Variants in TMPRSS11E observed in about 807,000 individuals in gnomAD.
The protein encoded by TMPRSS11E is transmembrane serine protease 11E.
A neutral mutation model predicts 48.1 loss-of-function variants in TMPRSS11E; 38 were observed. The ratio of observed to expected loss-of-function variants is 0.79; its 90% CI spans 0.61 to 1.04. The LOEUF (loss-of-function observed/expected upper bound fraction) is 1.04. Ranked by LOEUF, TMPRSS11E falls within the 50% of genes least tolerant of loss-of-function variation. The probability of loss-of-function intolerance (pLI) is 0.00; values close to 1 mark genes in which losing one functional copy is unlikely to be tolerated. For synonymous variants in TMPRSS11E, 158 were observed against 171.9 expected, an observed-to-expected ratio of 0.92 and a Z score of 0.63; for missense variants, 530 against 510.8, an observed-to-expected ratio of 1.04 and a Z score of -0.36.
chr4:68,488,392 A>T lies in TMPRSS11E; in HGVS notation c.1111-8251A>T, dbSNP rs191843704. On this transcript the variant is annotated intron_variant, in intron 9 of 9. Coordinates refer to ENST00000305363, the MANE Select transcript of TMPRSS11E (RefSeq NM_014058.4). ...TTCTTTATCTAACTGAGTTGATTTGAAGAACTGGCCTTCAAGTTCTAAAAT... is the reference window on the plus strand; with the variant it reads ...TTCTTTATCTAACTGAGTTGATTTGTAGAACTGGCCTTCAAGTTCTAAAAT... 3.7e-4 allele frequency among the ~76,000 whole-genome samples: 56 copies of T among 152,300 alleles called. No homozygotes were observed. The East Asian group carries it at 6.0e-3, about 16-fold the overall frequency.
intron 9 of TMPRSS11E, among the ~76,000 whole-genome samples, chr4:68,486,892 CT>C (rs1374336199): frequency 2.6e-5 from 4 of 152,004 alleles, no homozygotes; most frequent in Non-Finnish European, 5.9e-5. Context: ...ATTTTTTGTC[CT>C]TTTTAATTAT....
chr4:68,495,849 TTAA>T (rs1177045663), intron 9 of TMPRSS11E, among the ~76,000 whole-genome samples: 2 of 152,110 alleles, frequency 1.3e-5, no homozygotes, highest in African/African-American at 4.8e-5. Context: ...ATTACATGAA[TTAA>T]TGAGATAATA....
intron 2 of TMPRSS11E, among the ~76,000 whole-genome samples, chr4:68,462,406 G>A (rs571598677): frequency 4.4e-5 from 6 of 137,886 alleles, no homozygotes; most frequent in South Asian, 4.6e-4. Flanking sequence ...GTGAAACCCC[G>A]TGTCTACTAA....
chr4:68,466,806 T>G, intron 3 of TMPRSS11E, 54 bp downstream of exon 3: 4 of 1,607,148 alleles, frequency 2.5e-6, no homozygotes, highest in Non-Finnish European at 3.4e-6. Context: ...TTTACCATAT[T>G]TTTAGCATCC....
intron 2 of TMPRSS11E, among the ~76,000 whole-genome samples, chr4:68,464,585 A>C (rs996242999): frequency 6.6e-6 from 1 of 152,218 alleles, no homozygotes; most frequent in Non-Finnish European, 1.5e-5. Flanking sequence ...GCAGCTGGTA[A>C]TATGTTTTAA....
chr4:68,493,551 C>A (rs1377937609), intron 9 of TMPRSS11E, among the ~76,000 whole-genome samples: 2 of 151,952 alleles, frequency 1.3e-5, no homozygotes, highest in Non-Finnish European at 2.9e-5. Context: ...ACTGCAACCT[C>A]CACCTTCTGG....
chr4:68,488,347 G>C (rs576501479), intron 9 of TMPRSS11E, among the ~76,000 whole-genome samples: 24 of 152,212 alleles, frequency 1.6e-4, no homozygotes, highest in Middle Eastern at 3.4e-3. Flanking sequence ...TGGAGATTTT[G>C]TTCATTAAAG....
intron 9 of TMPRSS11E, among the ~76,000 whole-genome samples, chr4:68,492,716 C>T (rs533862825): frequency 6.6e-6 from 1 of 152,272 alleles, no homozygotes; most frequent in Non-Finnish European, 1.5e-5. Context: ...ATGTCTTGAG[C>T]AGTTGACAAA....
At chr4:68,449,343 ATTAAATATAT>A in intron 1 of TMPRSS11E, among the ~76,000 whole-genome samples, 1 of 151,800 alleles carries the variant, frequency 6.6e-6, no homozygotes, top group East Asian at 1.9e-4. Flanking sequence ...GAATGTGTCC[ATTAAATATAT>A]TTATTGGTCA....
intron 3 of TMPRSS11E, 140 bp downstream of exon 3, chr4:68,466,892 T>C: frequency 2.8e-6 from 3 of 1,089,404 alleles, no homozygotes; most frequent in Non-Finnish European, 4.1e-6. Flanking sequence ...ACCCAAGGAA[T>C]ATAAAACAAA....
intron 1 of TMPRSS11E, among the ~76,000 whole-genome samples, chr4:68,453,705 C>T (rs1472166777): frequency 4.6e-5 from 7 of 151,966 alleles, no homozygotes; most frequent in African/African-American, 7.2e-5. Context: ...ATAATAGTAT[C>T]GGATTTAGCT....
intron 2 of TMPRSS11E, 72 bp downstream of exon 2, chr4:68,462,017 C>T: frequency 3.8e-6 from 6 of 1,581,912 alleles, no homozygotes; most frequent in Non-Finnish European, 5.2e-6. Context: ...TTTTGATTTG[C>T]CTCAGGCTTA....
intron 1 of TMPRSS11E, among the ~76,000 whole-genome samples, chr4:68,451,766 C>G (rs528542308): frequency 7.2e-5 from 11 of 151,974 alleles, no homozygotes; most frequent in Middle Eastern, 6.8e-3. Flanking sequence ...TTATCATACT[C>G]ATTTTACAGA....
At chr4:68,489,354 G>A (rs768506133) in intron 9 of TMPRSS11E, among the ~76,000 whole-genome samples, 3 of 152,172 alleles carry the variant, frequency 2.0e-5, no homozygotes, top group Non-Finnish European at 2.9e-5. Flanking sequence ...AAGGAATGAG[G>A]TGTTCCTGGT....
intron 1 of TMPRSS11E, among the ~76,000 whole-genome samples, chr4:68,457,351 C>T (rs1240767808): frequency 1.3e-5 from 2 of 152,116 alleles, no homozygotes; most frequent in Non-Finnish European, 2.9e-5. Context: ...CAATGAGTAC[C>T]ATCTCATGCC....
At chr4:68,448,703 T>A (rs891173962) in intron 1 of TMPRSS11E, among the ~76,000 whole-genome samples, 2 of 151,810 alleles carry the variant, frequency 1.3e-5, no homozygotes, top group African/African-American at 4.8e-5. Flanking sequence ...TGACTATTTT[T>A]AAAAATCCTG....
At position 68,496,928 on chromosome 4, in the gene TMPRSS11E, T is replaced by C; in HGVS notation, c.*124T>C. On this transcript the variant is annotated 3_prime_UTR_variant, in exon 10 of 10. Coordinates refer to ENST00000305363, the MANE Select transcript of TMPRSS11E (RefSeq NM_014058.4). ...CTAGATTTGACTGATCTCAATAAAC[T>C]GTTTGCTTGATGCATGTATTTTCTT... 1.0e-6 allele frequency: 1 copy of C among 985,554 alleles called. No homozygotes were observed. The highest frequency in any genetic ancestry group is 1.5e-6 in the Non-Finnish European group (1 of 655,050). 61.1% of individuals were successfully genotyped at this position (985,554 alleles called of 1,614,324 possible). A position where few individuals can be genotyped will look rare whatever the true frequency, so the allele number is the denominator to read the frequency against.
At chr4:68,458,747 A>G (rs1363924598) in intron 1 of TMPRSS11E, among the ~76,000 whole-genome samples, 3 of 152,196 alleles carry the variant, frequency 2.0e-5, no homozygotes, top group African/African-American at 7.2e-5. Context: ...AAAAAGCTAA[A>G]AAATAGGGTG....
intron 3 of TMPRSS11E, 42 bp downstream of exon 3, chr4:68,466,794 T>C: frequency 6.2e-7 from 1 of 1,610,066 alleles, no homozygotes; most frequent in Non-Finnish European, 8.5e-7. Flanking sequence ...TTGCTTTCAC[T>C]TTTTACCATA....
Sources: allele counts gnomAD v4.1 joint callset (sites outside exome capture counted in the v4.1 genomes callset), GRCh38; gene constraint gnomAD v4.1.1; transcripts MANE v1.5; gene names NCBI Gene and HGNC (gene_info 2026-07-23, HGNC 2026-07-21).